The following PNPLA7 variants were observed in gnomAD, a reference collection of about 807,000 sequenced individuals.
The protein encoded by PNPLA7 is patatin like domain 7, lysophospholipase, also known as patatin-like phospholipase domain-containing protein 7.
A neutral mutation model predicts 161.7 loss-of-function variants in PNPLA7; 153 were observed. The observed-to-expected ratio is 0.95, with a 90% confidence interval of 0.83 to 1.08. The LOEUF (loss-of-function observed/expected upper bound fraction) is 1.08. Ranked by LOEUF, PNPLA7 falls within the 50% of genes least tolerant of loss-of-function variation. The probability of loss-of-function intolerance (pLI) is 0.00; values close to 1 mark genes in which losing one functional copy is unlikely to be tolerated. For synonymous variants in PNPLA7, 809 were observed against 782.1 expected, an observed-to-expected ratio of 1.03 and a Z score of -0.57; for missense variants, 1,739 against 1,856.6, an observed-to-expected ratio of 0.94 and a Z score of 1.16.
rs1833112441 is a variant in PNPLA7 at position 137,497,281 on chromosome 9, A to T, written c.1919T>A (p.Ile640Asn). The change falls in exon 18 of 35, where the codon ATC becomes AAC. Residue 640 changes from isoleucine (I) to asparagine (N), a missense_variant. Around this residue, in one of 6 missense-constraint regions of PNPLA7, gnomAD observed 481 missense variants for 450.0 expected, o/e 1.07. Transcript: ENST00000406427. ...RQGDKSDCTY[I>N]MLSGRLRSVI... Reference sequence around the variant, plus strand: ...AGAGCGCAGCCGGCCGCTGAGCATGATGTACGTGCAGTCGGACTTGTCCCC... The same window carrying T: ...AGAGCGCAGCCGGCCGCTGAGCATGTTGTACGTGCAGTCGGACTTGTCCCC... The T allele has an allele frequency of 3.2e-6, 5 of 1,584,052 alleles. No homozygotes were observed. The African/African-American group carries it at 5.4e-5, about 17-fold the overall frequency.
In PNPLA7 at chr9:137,460,705, C is replaced by T. The variant is rs921388067; in HGVS notation, c.3874G>A (p.Glu1292Lys). 1.9e-6 allele frequency: 3 copies of T among 1,612,830 alleles called. No homozygotes were observed. Among genetic ancestry groups the T allele is most frequent in the Non-Finnish European group, 1.7e-6 (2 of 1,179,924 alleles). ...GCATCCCTGGGGACGTCCAGCAGCT[C>T]CTCCTCGTACTCCGTCTGGTAGTCA... ...ESDYQTEYEE[E>K]LLDVPRDAYA... is the part of the protein sequence containing the mutation. The change falls in exon 34 of 35, where the codon GAG becomes AAG. Residue 1292 changes from glutamate (E) to lysine (K), a missense_variant. By Grantham distance (56) the Glu-to-Lys change is moderately conservative. This residue lies in a region of PNPLA7 where 703 missense variants were observed against 694.6 expected (regional missense o/e 1.01). Transcript: ENST00000406427.
At chr9:137,548,903 A>T (rs1454139237) in intron 1 of PNPLA7, among the ~76,000 whole-genome samples, 1 of 152,204 alleles carries the variant, frequency 6.6e-6, no homozygotes, top group Non-Finnish European at 1.5e-5. Context: ...CTGCTTCAGG[A>T]CAGGGGAACC....
chr9:137,540,969 C>T lies in PNPLA7; in HGVS notation c.667-247G>A, dbSNP rs1836170663. ...GACCCCACCTCTCCATCCCATGACT[C>T]GTCTTCAATGTGGGGACTGAGGCAA... On this transcript the variant is annotated intron_variant, in intron 7 of 34. Transcript: ENST00000406427. This position sits in a 1 kb window ranked among gnomAD's most constrained non-coding sequence, Gnocchi z 5.1. 4.3e-6 allele frequency: 2 copies of T among 463,376 alleles called. No homozygotes were observed. Among genetic ancestry groups the T allele is most frequent in the Non-Finnish European group, 8.0e-6 (2 of 250,570 alleles). The allele number at this position is 463,376 out of a possible 1,614,324, so 28.7% of individuals were successfully genotyped here.
In PNPLA7 at chr9:137,546,826, C is replaced by T; in HGVS notation, c.273+4G>A. The T allele has an allele frequency of 6.2e-7, 1 of 1,613,742 alleles. No individual in the cohort carries two copies. Among genetic ancestry groups the T allele is most frequent in the South Asian group, 1.1e-5 (1 of 91,090 alleles). ...TGCAGCCTGGGGCCCCGAGCAACAG[C>T]TACCTTCCTCATGATCTTCCGGCCG... On this transcript the variant is annotated splice_donor_region_variant and intron_variant, in intron 4 of 34. Coordinates refer to ENST00000406427, the MANE Select transcript of PNPLA7 (RefSeq NM_001098537.3).
chr9:137,488,093 C>T (rs534476020), intron 20 of PNPLA7, among the ~76,000 whole-genome samples: 5 of 152,364 alleles, frequency 3.3e-5, no homozygotes, highest in African/African-American at 4.8e-5. Flanking sequence ...CACAGAAAGA[C>T]GGAGAACCGC....
rs547779251 is a variant in PNPLA7, at chr9:137,492,962, A to G, written c.2197+51T>C. ...CCATGGGCTGGGTGGGCGGGGCTCC[A>G]GGACTGGGTGAGGGCTCCCAGGAGG... On this transcript the variant is annotated intron_variant, in intron 20 of 34. Coordinates refer to ENST00000406427, the MANE Select transcript of PNPLA7 (RefSeq NM_001098537.3). The G allele has an allele frequency of 4.5e-6, 7 of 1,563,246 alleles. No homozygotes were observed. The South Asian group carries it at 5.6e-5, about 12-fold the overall frequency.
At chr9:137,545,509 C>T (rs1253616069) in intron 4 of PNPLA7, among the ~76,000 whole-genome samples, 3 of 152,124 alleles carry the variant, frequency 2.0e-5, no homozygotes, top group South Asian at 4.1e-4. Flanking sequence ...CTCTGGGGGC[C>T]GACAGGGCCT....
chr9:137,539,998 C>A (rs188095389), intron 8 of PNPLA7, among the ~76,000 whole-genome samples: 2 of 152,246 alleles, frequency 1.3e-5, no homozygotes, highest in Admixed American at 1.3e-4. Context: ...GTTGGCCAGG[C>A]TGGTCTCGAT....
At chr9:137,497,344 C>A (rs762208439) in intron 17 of PNPLA7, 34 bp from the exon 18 acceptor site, 1 of 1,482,848 alleles carries the variant, frequency 6.7e-7, no homozygotes, top group Admixed American at 2.2e-5. Context: ...CAGCCCTGGG[C>A]CCCCAGCCTC....
rs141778336 is a variant in PNPLA7, at chr9:137,548,410, C to T, written c.31-751G>A. On this transcript the variant is annotated intron_variant, in intron 1 of 34. Transcript: ENST00000406427. ...AAGAGCCAAGGCCTAAAACAACACCCACCCCCGCCTCACTGCAGAGAGCAG... is the reference window on the plus strand; with the variant it reads ...AAGAGCCAAGGCCTAAAACAACACCTACCCCCGCCTCACTGCAGAGAGCAG... Among the ~76,000 whole-genome samples, 1,204 of 152,274 alleles carry T rather than the reference C, an allele frequency of 7.9e-3. 10 individuals are homozygous for T. Among genetic ancestry groups the T allele is most frequent in the African/African-American group, 0.027 (1,123 of 41,546 alleles).
At chr9:137,460,580 C>T (rs1180660132) in intron 34 of PNPLA7, 54 bp downstream of exon 34, 2 of 1,597,198 alleles carry the variant, frequency 1.3e-6, no homozygotes, top group Non-Finnish European at 1.7e-6. Context: ...GGCACAGGGC[C>T]AGGCACCAAG....
At chr9:137,462,919 C>G in intron 29 of PNPLA7, 86 bp from the exon 30 acceptor site, 1 of 1,558,216 alleles carries the variant, frequency 6.4e-7, no homozygotes, top group Non-Finnish European at 8.7e-7. Context: ...CGAGCCCTGA[C>G]GTGGGGGTTG....
At chr9:137,492,738 C>G (rs1299619421) in intron 20 of PNPLA7, among the ~76,000 whole-genome samples, 1 of 86,490 alleles carries the variant, frequency 1.2e-5, no homozygotes, top group Non-Finnish European at 2.2e-5. Context: ...CAGAGCAGGG[C>G]TATGGGCTGG....
In PNPLA7 at chr9:137,477,612, T is replaced by C. The variant is rs1294875542; in HGVS notation, c.2882+422A>G. Among the ~76,000 whole-genome samples the C allele has an allele frequency of 2.0e-5, 3 of 152,146 alleles. No individual in the cohort carries two copies. The East Asian group carries it at 5.8e-4, about 29-fold the overall frequency. Reference sequence around the variant, plus strand: ...TACAGGTGCGCGCCACCACGCCTAATTTTTCTATTTTTAGTAGAGACTGGG... The same window carrying C: ...TACAGGTGCGCGCCACCACGCCTAACTTTTCTATTTTTAGTAGAGACTGGG... On this transcript the variant is annotated intron_variant, in intron 25 of 34. Transcript: ENST00000406427.
At chr9:137,479,349 C>T (rs1832094562) in intron 23 of PNPLA7, 111 bp from the exon 24 acceptor site, 2 of 1,364,860 alleles carry the variant, frequency 1.5e-6, no homozygotes, top group Middle Eastern at 2.5e-4. Context: ...GGAGCAGCTC[C>T]TGGGTTCTGC....
chr9:137,462,486 G>A (rs892036457), intron 30 of PNPLA7, 155 bp from the exon 31 acceptor site: 42 of 1,395,240 alleles, frequency 3.0e-5, no homozygotes, highest in South Asian at 1.4e-4. Flanking sequence ...TCCTCCCTGC[G>A]GGCTGCCACA....
chr9:137,483,480 A>C (rs756417505), intron 21 of PNPLA7, among the ~76,000 whole-genome samples: 5 of 152,164 alleles, frequency 3.3e-5, no homozygotes, highest in Non-Finnish European at 7.3e-5. Context: ...TTTGAGATAG[A>C]GTCTTGCTCT....
chr9:137,516,916 C>T (rs1190128396), intron 11 of PNPLA7, among the ~76,000 whole-genome samples: 1 of 151,812 alleles, frequency 6.6e-6, no homozygotes, highest in Admixed American at 6.6e-5. Flanking sequence ...TGGCTGTGAT[C>T]CTCATGGGGT....
At chr9:137,484,795 G>T in intron 20 of PNPLA7, 59 bp from the exon 21 acceptor site, 1 of 1,506,700 alleles carries the variant, frequency 6.6e-7, no homozygotes, top group South Asian at 1.3e-5. Flanking sequence ...GATGCCTCCA[G>T]ATGCCCTGGG....
Sources: allele counts gnomAD v4.1 joint callset (sites outside exome capture counted in the v4.1 genomes callset), GRCh38; gene constraint gnomAD v4.1.1; regional missense constraint gnomAD v4.1.1; non-coding constraint Gnocchi (gnomAD v3.1); transcripts MANE v1.5; gene names NCBI Gene and HGNC (gene_info 2026-07-23, HGNC 2026-07-21).